SLC5A8: variants seen among roughly 807,000 people sequenced by gnomAD.
The protein encoded by SLC5A8 is solute carrier family 5 member 8.
In SLC5A8, 55 loss-of-function variants were observed where a neutral mutation model predicts 71.9. The ratio of observed to expected loss-of-function variants is 0.77; its 90% CI spans 0.62 to 0.96. SLC5A8 has a LOEUF of 0.96. SLC5A8 is among the 40% of genes least tolerant of loss of function. The probability of loss-of-function intolerance (pLI) is 0.00; values close to 1 mark genes in which losing one functional copy is unlikely to be tolerated. For missense variants in SLC5A8, 701 were observed against 745.3 expected, an observed-to-expected ratio of 0.94 and a Z score of 0.69; for synonymous variants, 307 against 276.1, an observed-to-expected ratio of 1.11 and a Z score of -1.11.
chr12:101,202,440 A>T (rs1033211670), intron 2 of SLC5A8, among the ~76,000 whole-genome samples: 1 of 152,144 alleles, frequency 6.6e-6, no homozygotes, highest in African/African-American at 2.4e-5. Flanking sequence ...TTTTTTTGTG[A>T]CCGGCTTATG....
At chr12:101,171,587 G>A (rs2051830407) in intron 10 of SLC5A8, among the ~76,000 whole-genome samples, 2 of 152,176 alleles carry the variant, frequency 1.3e-5, no homozygotes, top group African/African-American at 4.8e-5. Flanking sequence ...TAGATCTAGT[G>A]TCCAGCTGAG....
rs2051774708 is a variant in SLC5A8, at chr12:101,166,688, A to G, written c.1332T>C (p.Val444=). Reference sequence around the variant, plus strand: ...AAATGGCAAATCCAGCCATCAGACCAACAAGTGCTCCCTGTAAAACAAGAA... The same window carrying G: ...AAATGGCAAATCCAGCCATCAGACCGACAAGTGCTCCCTGTAAAACAAGAA... ...VPFANSIGAL[V]GLMAGFAISL... Residue 444 remains valine (V), a synonymous_variant, in exon 12 of 15, where the codon GTT becomes GTC. Transcript: ENST00000536262. 1.9e-6 allele frequency: 3 copies of G among 1,608,940 alleles called. No individual in the cohort carries two copies.
intron 10 of SLC5A8, among the ~76,000 whole-genome samples, chr12:101,169,087 C>T (rs865826346): frequency 3.3e-5 from 5 of 152,130 alleles, no homozygotes; most frequent in Non-Finnish European, 7.4e-5. Context: ...TAAAAGGATG[C>T]GGACTCAAGG....
chr12:101,191,805 T>G (rs1363160503), intron 5 of SLC5A8, among the ~76,000 whole-genome samples: 1 of 152,228 alleles, frequency 6.6e-6, no homozygotes, highest in African/African-American at 2.4e-5. Context: ...TTGAAAAGTA[T>G]GAAACACAAA....
chr12:101,198,490 G>C (rs537112364), intron 3 of SLC5A8, among the ~76,000 whole-genome samples: 1 of 151,906 alleles, frequency 6.6e-6, no homozygotes, highest in Non-Finnish European at 1.5e-5. Flanking sequence ...AGCATAACAA[G>C]AGGGTATTAT....
intron 13 of SLC5A8, among the ~76,000 whole-genome samples, chr12:101,159,550 A>G (rs1303852254): frequency 6.6e-6 from 1 of 152,212 alleles, no homozygotes; most frequent in African/African-American, 2.4e-5. Flanking sequence ...GGGAGCATCA[A>G]AATTGTGTGC....
At chr12:101,172,243 G>C (rs1289556350) in intron 10 of SLC5A8, among the ~76,000 whole-genome samples, 1 of 151,962 alleles carries the variant, frequency 6.6e-6, no homozygotes, top group Non-Finnish European at 1.5e-5. Flanking sequence ...TACCAGTAAA[G>C]GTCTTGCCAG....
At chr12:101,158,598 C>CTATATATA (rs139268658) in intron 13 of SLC5A8, among the ~76,000 whole-genome samples, 267 of 21,044 alleles carry the variant, frequency 0.013, 5 homozygotes, top group East Asian at 0.015. Flanking sequence ...CTCTCTCTCT[C>CTATATATA]TATATATATA....
intron 1 of SLC5A8, 23 bp downstream of exon 1, chr12:101,209,475 T>TG: frequency 2.1e-6 from 3 of 1,444,724 alleles, no homozygotes; most frequent in South Asian, 1.3e-5. Flanking sequence ...CCCTGCATGG[T>TG]CCCAGCCCAC....
rs1566303049 is a variant in SLC5A8, at chr12:101,158,279, G to C, written c.1680C>G (p.Asp560Glu). 1 of 1,590,516 alleles carries C rather than the reference G, an allele frequency of 6.3e-7. No homozygotes were observed. Among genetic ancestry groups the C allele is most frequent in the Non-Finnish European group, 8.6e-7 (1 of 1,165,384 alleles). Residue 560 changes from aspartate to glutamate, a missense_variant, in exon 14 of 15, where the codon GAC becomes GAG. Coordinates refer to ENST00000536262, the MANE Select transcript of SLC5A8 (RefSeq NM_145913.5). ...LDPRYILTKE[D>E]FLSNFDIFKK... The stretch of plus-strand genomic sequence containing the variant: ...TAAAAATATCAAAATTGGATAAAAA[G>C]TCCTCTTTGGTTAGTATGTATCTGG...
chr12:101,209,431 C>A (rs764579128), intron 1 of SLC5A8, 67 bp downstream of exon 1: 11 of 1,281,386 alleles, frequency 8.6e-6, no homozygotes, highest in Non-Finnish European at 1.2e-5. Context: ...CAAGAAAACG[C>A]CTCCAGAGGT....
At chr12:101,186,462 G>GT (rs940138928) in intron 7 of SLC5A8, among the ~76,000 whole-genome samples, 1 of 152,184 alleles carries the variant, frequency 6.6e-6, no homozygotes, top group African/African-American at 2.4e-5. Context: ...TGTTCCGCAA[G>GT]TGAGTCTTAG....
intron 10 of SLC5A8, among the ~76,000 whole-genome samples, chr12:101,168,455 A>G (rs1026164456): frequency 6.6e-6 from 1 of 152,236 alleles, no homozygotes; most frequent in African/African-American, 2.4e-5. Context: ...GGTAGTGCCT[A>G]TGTGAATGTA....
intron 13 of SLC5A8, among the ~76,000 whole-genome samples, chr12:101,158,689 G>A (rs1321229198): frequency 1.4e-5 from 2 of 142,914 alleles, no homozygotes; most frequent in East Asian, 2.1e-4. Context: ...TGCTTCATCT[G>A]GTACTCAACT....
At chr12:101,198,957 A>G (rs2137164923) in intron 3 of SLC5A8, among the ~76,000 whole-genome samples, 1 of 152,102 alleles carries the variant, frequency 6.6e-6, no homozygotes, top group South Asian at 2.1e-4. Context: ...AAGAGCTATA[A>G]GGATTAGAAA....
intron 10 of SLC5A8, among the ~76,000 whole-genome samples, chr12:101,171,108 A>G (rs1441316562): frequency 6.6e-6 from 1 of 152,118 alleles, no homozygotes; most frequent in Non-Finnish European, 1.5e-5. Flanking sequence ...CCTTTCTCAG[A>G]GTTTAGGGGA....
chr12:101,207,670 T>C (rs187568785), intron 1 of SLC5A8, among the ~76,000 whole-genome samples: 1 of 152,224 alleles, frequency 6.6e-6, no homozygotes, highest in East Asian at 1.9e-4. Flanking sequence ...AGTTTGGGAA[T>C]TGGTTAGCTA....
At chr12:101,169,628 G>C (rs2051809297) in intron 10 of SLC5A8, among the ~76,000 whole-genome samples, 1 of 152,198 alleles carries the variant, frequency 6.6e-6, no homozygotes, top group African/African-American at 2.4e-5. Context: ...TAAGTTTCTA[G>C]GTCAAGGGGA....
intron 1 of SLC5A8, among the ~76,000 whole-genome samples, chr12:101,206,714 G>C (rs1010097812): frequency 5.9e-5 from 9 of 152,194 alleles, no homozygotes; most frequent in African/African-American, 1.9e-4. Flanking sequence ...TCAGAACTTT[G>C]AATTGCTTCT....
Sources: allele counts gnomAD v4.1 joint callset (sites outside exome capture counted in the v4.1 genomes callset), GRCh38; gene constraint gnomAD v4.1.1; transcripts MANE v1.5; gene names NCBI Gene and HGNC (gene_info 2026-07-23, HGNC 2026-07-21).